The following SMOC2 variants were observed in gnomAD, a reference collection of about 807,000 sequenced individuals.
SMOC2 encodes the protein SPARC related modular calcium binding 2, also known as SPARC-related modular calcium-binding protein 2.
A neutral mutation model predicts 61.4 loss-of-function variants in SMOC2; 39 were observed. That is an observed-to-expected ratio of 0.64 (90% CI 0.49 to 0.83). The LOEUF is 0.83. SMOC2 is among the 40% of genes least tolerant of loss of function. The pLI, the probability that SMOC2 is intolerant of heterozygous loss-of-function variation, is 0.00. For synonymous variants in SMOC2, 247 were observed against 239.9 expected (o/e 1.03, Z -0.27); for missense variants, 556 against 592.9 (o/e 0.94, Z 0.65).
intron 11 of SMOC2, among the ~76,000 whole-genome samples, chr6:168,662,614 G>C (rs181163222): frequency 1.3e-5 from 2 of 152,370 alleles, no homozygotes; most frequent in Non-Finnish European, 2.9e-5. Flanking sequence ...CCATTGGAAG[G>C]CTTGGGTGGA....
rs554849112 is a variant in SMOC2 at position 168,653,647 on chromosome 6, A to C, written c.1285+419A>C. ...CCAACCAAATGTTAGGAACTCACCAACCCTCTACCTGAGCTCCAACCAAAT... is the reference window on the plus strand; with the variant it reads ...CCAACCAAATGTTAGGAACTCACCACCCCTCTACCTGAGCTCCAACCAAAT... On this transcript the variant is annotated intron_variant, in intron 11 of 12. Transcript: ENST00000356284. Among the ~76,000 whole-genome samples the C allele has an allele frequency of 1.9e-4, 25 of 129,678 alleles. No individual in the cohort carries two copies. In the South Asian group the frequency reaches 2.6e-3, roughly 13 times the overall value. 85.1% of individuals were successfully genotyped at this position (129,678 alleles called of 152,430 possible).
intron 7 of SMOC2, among the ~76,000 whole-genome samples, chr6:168,592,548 G>A (rs11966245): frequency 0.13 from 8,786 of 65,418 alleles, 1,815 homozygotes; most frequent in Admixed American, 0.24. Context: ...GAGGATCTCC[G>A]AGCTCCTCCT....
At chr6:168,532,663 C>T (rs1028271223) in intron 4 of SMOC2, among the ~76,000 whole-genome samples, 1 of 152,172 alleles carries the variant, frequency 6.6e-6, no homozygotes, top group Non-Finnish European at 1.5e-5. Context: ...AACCTACATG[C>T]AAGATTTTTT....
chr6:168,515,440 G>T (rs2749268), intron 2 of SMOC2, among the ~76,000 whole-genome samples: 75,476 of 139,676 alleles, frequency 0.54, 22,104 homozygotes, highest in Non-Finnish European at 0.69. Context: ...TGGGCTCGGA[G>T]AGGCTCCGTC....
At chr6:168,472,066 T>C (rs1292651625) in intron 1 of SMOC2, among the ~76,000 whole-genome samples, 1 of 152,242 alleles carries the variant, frequency 6.6e-6, no homozygotes, top group African/African-American at 2.4e-5. Flanking sequence ...GTCCAGTTTA[T>C]CCATTTTTCC....
chr6:168,484,514 G>T (rs542124506), intron 1 of SMOC2, among the ~76,000 whole-genome samples: 20 of 152,296 alleles, frequency 1.3e-4, no homozygotes, highest in African/African-American at 4.6e-4. Context: ...TGGTAAAGCT[G>T]CTGTGGAAAA....
At chr6:168,608,124 T>C in intron 8 of SMOC2, 33 bp from the exon 9 acceptor site, 5 of 1,593,404 alleles carry the variant, frequency 3.1e-6, no homozygotes, top group Non-Finnish European at 4.3e-6. Context: ...CGTTGTTTTC[T>C]CTCTCCTTCC....
chr6:168,504,354 G>A (rs904980471), intron 1 of SMOC2, among the ~76,000 whole-genome samples: 4 of 149,996 alleles, frequency 2.7e-5, no homozygotes, highest in African/African-American at 9.9e-5. Flanking sequence ...TGTAAAATCA[G>A]TGGGAGCCCT....
At chr6:168,631,328 A>G (rs115682724) in intron 9 of SMOC2, among the ~76,000 whole-genome samples, 1 of 152,196 alleles carries the variant, frequency 6.6e-6, no homozygotes, top group African/African-American at 2.4e-5. Flanking sequence ...GCCTTGGAGC[A>G]TCAGAGATGA....
At chr6:168,468,906 G>A (rs1039022891) in intron 1 of SMOC2, among the ~76,000 whole-genome samples, 11 of 152,202 alleles carry the variant, frequency 7.2e-5, no homozygotes, top group Admixed American at 2.0e-4. Flanking sequence ...GGTTTAATAC[G>A]TTAAGCAGTT....
chr6:168,621,434 A>G (rs745765396), intron 9 of SMOC2, among the ~76,000 whole-genome samples: 1 of 152,222 alleles, frequency 6.6e-6, no homozygotes, highest in Non-Finnish European at 1.5e-5. Context: ...AGTCTTTGAT[A>G]TGCTCTTTAA....
intron 9 of SMOC2, among the ~76,000 whole-genome samples, chr6:168,649,663 C>T (rs1787142155): frequency 6.6e-6 from 1 of 152,200 alleles, no homozygotes; most frequent in East Asian, 1.9e-4. Context: ...TTGCTCCCTG[C>T]TTGTGAAGCT....
At position 168,485,579 on chromosome 6, in the gene SMOC2, A is replaced by G. The variant is rs73272932; in HGVS notation, c.85-24336A>G. Among the ~76,000 whole-genome samples the G allele has an allele frequency of 9.2e-3, 1,398 of 152,358 alleles. 23 individuals are homozygous for G. The highest frequency in any genetic ancestry group is 0.032 in the African/African-American group (1,336 of 41,584). ...AGAGTAGTTATTCACAAACGACCTC[A>G]TATCATATGAGTCTCTATATAAAAT... On this transcript the variant is annotated intron_variant, in intron 1 of 12. Coordinates refer to ENST00000356284, the MANE Select transcript of SMOC2 (RefSeq NM_001166412.2).
intron 7 of SMOC2, among the ~76,000 whole-genome samples, chr6:168,570,008 A>G (rs929951946): frequency 1.3e-5 from 2 of 152,204 alleles, no homozygotes; most frequent in East Asian, 1.9e-4. Flanking sequence ...GCTCTGTGGT[A>G]TATTGGAGTT....
intron 7 of SMOC2, among the ~76,000 whole-genome samples, chr6:168,573,499 C>T (rs1450596767): frequency 1.3e-5 from 2 of 152,164 alleles, no homozygotes; most frequent in Non-Finnish European, 2.9e-5. Flanking sequence ...GGCTCCCAGG[C>T]GAGCCTGCTG....
chr6:168,441,571 C>T, intron 1 of SMOC2, 117 bp downstream of exon 1: 2 of 1,306,742 alleles, frequency 1.5e-6, no homozygotes, highest in Non-Finnish European at 2.0e-6. Flanking sequence ...GAGCAGGTGG[C>T]CCCGGGGGCC....
intron 9 of SMOC2, among the ~76,000 whole-genome samples, chr6:168,640,763 T>G (rs1226370834): frequency 6.6e-6 from 1 of 152,202 alleles, no homozygotes; most frequent in Non-Finnish European, 1.5e-5. Flanking sequence ...AAAAAACTAT[T>G]AGAAGTAAAA....
In SMOC2 at chr6:168,584,740, T is replaced by C. The variant is rs879455329; in HGVS notation, c.638-14078T>C. Among the ~76,000 whole-genome samples, 4 of 152,198 alleles carry C rather than the reference T, an allele frequency of 2.6e-5. No homozygotes were observed. In the South Asian group the frequency reaches 6.2e-4, roughly 24 times the overall value. On this transcript the variant is annotated intron_variant, in intron 7 of 12. Transcript: ENST00000356284. ...TACTAGGAGCACTTTTTCAGGCTTA[T>C]GTAGACATAGATGTTGTTTATGGAG...
At chr6:168,619,008 T>C (rs1479409135) in intron 9 of SMOC2, among the ~76,000 whole-genome samples, 3 of 152,216 alleles carry the variant, frequency 2.0e-5, no homozygotes, top group African/African-American at 7.2e-5. Flanking sequence ...TTTGCTAGAA[T>C]ATCAGAGAAC....
Sources: gnomAD v4.1 joint callset for allele counts (sites outside exome capture counted in the v4.1 genomes callset) on GRCh38, gnomAD v4.1.1 for gene constraint, MANE v1.5 for transcripts, NCBI Gene and HGNC (gene_info 2026-07-23, HGNC 2026-07-21) for gene names.